TNS3: variants seen among roughly 807,000 people sequenced by gnomAD.
TNS3 encodes the protein tensin-3.
Under a neutral mutation model 140.9 loss-of-function variants are expected in TNS3, and 45 were observed. That is an observed-to-expected ratio of 0.32 (90% CI 0.25 to 0.41). TNS3 has a LOEUF of 0.41. Ranked by LOEUF, TNS3 falls within the 10% of genes least tolerant of loss-of-function variation. TNS3 has a pLI of 1.00. For missense variants in TNS3, 1,716 were observed against 1,906.7 expected, an observed-to-expected ratio of 0.90 and a Z score of 1.86; for synonymous variants, 815 against 788.4, an observed-to-expected ratio of 1.03 and a Z score of -0.56.
intron 3 of TNS3, among the ~76,000 whole-genome samples, chr7:47,487,799 A>C (rs1797667050): frequency 6.6e-6 from 1 of 152,212 alleles, no homozygotes. Flanking sequence ...AGTTGCAAAG[A>C]CTCAGAAATG....
Position 47,496,366 on chromosome 7 carries a change from C to T in TNS3, c.-115+10541G>A, listed in dbSNP as rs879588705. 3.3e-5 allele frequency among the ~76,000 whole-genome samples: 5 copies of T among 152,140 alleles called. No homozygotes were observed. In the South Asian group the frequency reaches 6.2e-4, roughly 19 times the overall value. On this transcript the variant is annotated intron_variant, in intron 3 of 30. Transcript: ENST00000311160. ...GGGGCCACATGTGTGGAAGGAGGGA[C>T]GTTTCCCCTGTGACCAGAGCTGATG...
At chr7:47,356,354 T>C (rs764821237) in intron 17 of TNS3, among the ~76,000 whole-genome samples, 1 of 152,102 alleles carries the variant, frequency 6.6e-6, no homozygotes, top group Non-Finnish European at 1.5e-5. Flanking sequence ...ACAACCAAGC[T>C]CAAGAATCAC....
At chr7:47,564,193 CA>C (rs57005793) in intron 1 of TNS3, among the ~76,000 whole-genome samples, 39,444 of 97,148 alleles carry the variant, frequency 0.41, 3,992 homozygotes, top group Middle Eastern at 0.55. Flanking sequence ...GACTCTGTCT[CA>C]AAAAAAAAAA....
intron 2 of TNS3, among the ~76,000 whole-genome samples, chr7:47,515,766 G>A (rs117762407): frequency 7.4e-4 from 112 of 151,890 alleles, no homozygotes; most frequent in Non-Finnish European, 1.2e-3. Flanking sequence ...CATCATTATC[G>A]GCATACCATT....
chr7:47,486,986 TCACAGAAACATGAAGTAA>T (rs1450720149), intron 3 of TNS3, among the ~76,000 whole-genome samples: 3 of 152,070 alleles, frequency 2.0e-5, no homozygotes, highest in African/African-American at 4.8e-5. Flanking sequence ...TCCTAGAACC[TCACAGAAACATGAAGTAA>T]GGACTGAAGA....
At chr7:47,319,402 AT>A (rs1787599977) in intron 20 of TNS3, among the ~76,000 whole-genome samples, 1 of 151,982 alleles carries the variant, frequency 6.6e-6, no homozygotes, top group Non-Finnish European at 1.5e-5. Context: ...TGAGAGAGTG[AT>A]AGAGAGAGAG....
intron 4 of TNS3, among the ~76,000 whole-genome samples, chr7:47,455,234 T>G (rs1454661891): frequency 6.6e-6 from 1 of 152,064 alleles, no homozygotes; most frequent in Non-Finnish European, 1.5e-5. Flanking sequence ...TTTGCAAGGC[T>G]GAGGGAAGGG....
chr7:47,445,033 G>A (rs1795657754), intron 4 of TNS3, among the ~76,000 whole-genome samples: 2 of 152,152 alleles, frequency 1.3e-5, no homozygotes, highest in African/African-American at 4.8e-5. Context: ...ATTGGGAAGA[G>A]GGGCAGGAAG....
chr7:47,393,076 G>A (rs1041347270), intron 16 of TNS3, among the ~76,000 whole-genome samples: 3 of 152,222 alleles, frequency 2.0e-5, no homozygotes, highest in Admixed American at 2.0e-4. Context: ...GATGCTAAAG[G>A]AGGTGGGTTA....
In TNS3 at chr7:47,322,209, C is replaced by T. The variant is rs558791584; in HGVS notation, c.2651-17206G>A. Among the ~76,000 whole-genome samples, 9 of 94,640 alleles carry T rather than the reference C, an allele frequency of 9.5e-5. No homozygotes were observed. In the East Asian group the frequency reaches 1.9e-3, roughly 20 times the overall value. The allele number at this position is 94,640 out of a possible 152,430, so 62.1% of individuals were successfully genotyped here. A position where few individuals can be genotyped will look rare whatever the true frequency, so the allele number is the denominator to read the frequency against. ...GAAAGCACATGAGAGTGAAGTAGAACGGGCAAAAAAAAAAAAAAAAAAAAA... is the reference window on the plus strand; with the variant it reads ...GAAAGCACATGAGAGTGAAGTAGAATGGGCAAAAAAAAAAAAAAAAAAAAA... On this transcript the variant is annotated intron_variant, in intron 20 of 30. Transcript: ENST00000311160.
At chr7:47,320,819 G>A (rs527740267) in intron 20 of TNS3, among the ~76,000 whole-genome samples, 1 of 152,366 alleles carries the variant, frequency 6.6e-6, no homozygotes, top group East Asian at 1.9e-4. Context: ...ATTGTGTGTG[G>A]TTTGGGGAGA....
At position 47,306,735 on chromosome 7, in the gene TNS3, C is replaced by T. The variant is rs995305986; in HGVS notation, c.2651-1732G>A. Among the ~76,000 whole-genome samples the T allele has an allele frequency of 3.3e-5, 5 of 152,292 alleles. No individual in the cohort carries two copies. The East Asian group carries it at 7.7e-4, about 24-fold the overall frequency. On this transcript the variant is annotated intron_variant, in intron 20 of 30. Transcript: ENST00000311160. ...GACTGCAGGCACCTGCCACCACACC[C>T]GGCTAATTTCTTTTTGTATTTTTAG...
At chr7:47,346,478 C>A in intron 17 of TNS3, 122 bp from the exon 18 acceptor site, 2 of 1,211,226 alleles carry the variant, frequency 1.7e-6, no homozygotes, top group South Asian at 3.0e-5. Flanking sequence ...GTCACCACTG[C>A]TCTGGGAAGA....
intron 4 of TNS3, among the ~76,000 whole-genome samples, chr7:47,444,839 G>T (rs1377690811): frequency 6.6e-6 from 1 of 152,152 alleles, no homozygotes; most frequent in East Asian, 1.9e-4. Context: ...TAATTTCTAA[G>T]GTCAAGGCCA....
In TNS3 at chr7:47,369,298, T is replaced by C. The variant is rs1562648665; in HGVS notation, c.1348A>G (p.Lys450Glu). The C allele has an allele frequency of 6.2e-7, 1 of 1,614,186 alleles. No individual in the cohort carries two copies. Among genetic ancestry groups the C allele is most frequent in the East Asian group, 2.2e-5 (1 of 44,886 alleles). ...ACCACGTGGCGGGTCCCACTGTACT[T>C]GCTTCGAGCATCAGTCATTTCCTTG... ...SLKEMTDARS[K>E]YSGTRHVVPA... Residue 450 changes from lysine to glutamate, a missense_variant, in exon 17 of 31, where the codon AAG (lysine) becomes GAG (glutamate). Around this residue, in one of 3 missense-constraint regions of TNS3, gnomAD observed 1,163 missense variants for 1,182.1 expected, o/e 0.98. Transcript: ENST00000311160.
chr7:47,570,598 T>G (rs548308154), intron 1 of TNS3, among the ~76,000 whole-genome samples: 2 of 152,248 alleles, frequency 1.3e-5, no homozygotes, highest in Non-Finnish European at 2.9e-5. Context: ...TGGGAAAATG[T>G]GCCGGCATTT....
chr7:47,558,300 T>C (rs1354902763), intron 1 of TNS3, among the ~76,000 whole-genome samples: 2 of 152,220 alleles, frequency 1.3e-5, no homozygotes, highest in African/African-American at 2.4e-5. Flanking sequence ...GAATGCTTCC[T>C]CGGCCTGCAT....
chr7:47,422,719 C>CA (rs913796248), intron 10 of TNS3, among the ~76,000 whole-genome samples: 12 of 151,538 alleles, frequency 7.9e-5, no homozygotes, highest in Non-Finnish European at 1.3e-4. Context: ...GAAATAAGAA[C>CA]AAAAAAAAGA....
intron 3 of TNS3, among the ~76,000 whole-genome samples, chr7:47,483,241 C>T (rs2151798163): frequency 6.6e-6 from 1 of 151,012 alleles, no homozygotes; most frequent in South Asian, 2.1e-4. Context: ...ACGATCTTGG[C>T]TCACTGCAAG....
Sources: allele counts gnomAD v4.1 joint callset (sites outside exome capture counted in the v4.1 genomes callset), GRCh38; gene constraint gnomAD v4.1.1; regional missense constraint gnomAD v4.1.1; transcripts MANE v1.5; gene names NCBI Gene and HGNC (gene_info 2026-07-23, HGNC 2026-07-21).